Variants in NRG3 observed in about 807,000 individuals in gnomAD.
NRG3 encodes neuregulin 3, also known as pro-neuregulin-3, membrane-bound isoform.
A neutral mutation model predicts 66.9 loss-of-function variants in NRG3; 31 were observed. The ratio of observed to expected loss-of-function variants is 0.46; its 90% CI spans 0.35 to 0.63. NRG3 has a LOEUF of 0.63. Ranked by LOEUF, NRG3 falls within the 20% of genes least tolerant of loss-of-function variation. The pLI is 0.00. For synonymous variants in NRG3, 393 were observed against 359.4 expected (o/e 1.09, Z -1.06); for missense variants, 910 against 878.9 (o/e 1.04, Z -0.45).
At chr10:81,911,842 A>G (rs573728941) in intron 1 of NRG3, among the ~76,000 whole-genome samples, 2 of 152,052 alleles carry the variant, frequency 1.3e-5, no homozygotes, top group Non-Finnish European at 2.9e-5. Flanking sequence ...GATTCCTAAC[A>G]AAGAAAGAAC....
At chr10:81,981,001 A>G (rs910901928) in intron 1 of NRG3, among the ~76,000 whole-genome samples, 1 of 152,138 alleles carries the variant, frequency 6.6e-6, no homozygotes, top group East Asian at 1.9e-4. Flanking sequence ...TGAGTTATGG[A>G]TGGTTGGGGC....
chr10:82,203,061 A>G (rs2074929654), intron 1 of NRG3, among the ~76,000 whole-genome samples: 1 of 152,172 alleles, frequency 6.6e-6, no homozygotes, highest in Non-Finnish European at 1.5e-5. Context: ...GAATAATTTG[A>G]TTATTTTGAG....
At chr10:82,216,458 A>G (rs866009839) in intron 1 of NRG3, among the ~76,000 whole-genome samples, 1 of 126,832 alleles carries the variant, frequency 7.9e-6, no homozygotes, top group Non-Finnish European at 1.6e-5. Flanking sequence ...CATTTTATAT[A>G]TATGTGTGTG....
At chr10:82,338,323 A>C (rs1319551246) in intron 1 of NRG3, among the ~76,000 whole-genome samples, 1 of 152,160 alleles carries the variant, frequency 6.6e-6, no homozygotes, top group Non-Finnish European at 1.5e-5. Context: ...GGGCTTATTT[A>C]TCTTTTAAAA....
intron 4 of NRG3, among the ~76,000 whole-genome samples, chr10:82,884,939 T>C (rs1842607276): frequency 6.6e-6 from 1 of 152,236 alleles, no homozygotes; most frequent in Non-Finnish European, 1.5e-5. Flanking sequence ...TTTCCAGTCA[T>C]TCTGTCCTTC....
chr10:82,803,476 T>TA (rs2061139576), intron 3 of NRG3, among the ~76,000 whole-genome samples: 1 of 152,304 alleles, frequency 6.6e-6, no homozygotes, highest in South Asian at 2.1e-4. Context: ...AGGGCACATT[T>TA]AAAAAAATGT....
chr10:82,554,158 T>G (rs1252125854), intron 2 of NRG3, among the ~76,000 whole-genome samples: 1 of 152,174 alleles, frequency 6.6e-6, no homozygotes, highest in Non-Finnish European at 1.5e-5. Flanking sequence ...CAGATGAGCT[T>G]CTTGATTTCA....
At chr10:82,406,752 G>T (rs2087549738) in intron 2 of NRG3, among the ~76,000 whole-genome samples, 1 of 152,062 alleles carries the variant, frequency 6.6e-6, no homozygotes, top group African/African-American at 2.4e-5. Flanking sequence ...CATAAAAATT[G>T]TCTAATCCCA....
At chr10:82,425,781 A>G (rs1044690032) in intron 2 of NRG3, among the ~76,000 whole-genome samples, 8 of 152,098 alleles carry the variant, frequency 5.3e-5, no homozygotes, top group African/African-American at 1.7e-4. Context: ...TTTTTATCTA[A>G]TGTTGTGTTT....
chr10:82,828,471 AG>A (rs2062352907), intron 3 of NRG3, among the ~76,000 whole-genome samples: 1 of 152,186 alleles, frequency 6.6e-6, no homozygotes, highest in South Asian at 2.1e-4. Flanking sequence ...GCTGGAAGAG[AG>A]GCTATACCTT....
intron 1 of NRG3, among the ~76,000 whole-genome samples, chr10:82,328,996 A>G (rs1037435835): frequency 5.9e-5 from 9 of 152,204 alleles, no homozygotes; most frequent in African/African-American, 1.7e-4. Context: ...TGCCAACTAT[A>G]TATTTCAGCC....
rs111799541 is a variant in NRG3 at position 82,567,213 on chromosome 10, G to A, written c.954-171364G>A. 1.3e-3 allele frequency among the ~76,000 whole-genome samples: 197 copies of A among 151,998 alleles called. 1 individual carries two copies. The highest frequency in any genetic ancestry group is 4.4e-3 in the African/African-American group (184 of 41,512). ...ACTTAGCTCCCATTCTGTCTATGAG[G>A]AAGTCTTGGAAGTACTATTTTCCTG... is the stretch of plus-strand genomic sequence containing the variant. On this transcript the variant is annotated intron_variant, in intron 2 of 8. Coordinates refer to ENST00000372141, the MANE Select transcript of NRG3 (RefSeq NM_001010848.4).
chr10:81,915,365 A>T (rs1441155200), intron 1 of NRG3, among the ~76,000 whole-genome samples: 1 of 152,172 alleles, frequency 6.6e-6, no homozygotes, highest in Non-Finnish European at 1.5e-5. Flanking sequence ...ATTCTTCATC[A>T]TGGCACAATT....
chr10:82,310,387 C>T (rs2134961918), intron 1 of NRG3, among the ~76,000 whole-genome samples: 1 of 152,156 alleles, frequency 6.6e-6, no homozygotes, highest in South Asian at 2.1e-4. Context: ...TAACGAATAC[C>T]CCTAAAATGT....
chr10:81,994,441 C>A (rs2060855819), intron 1 of NRG3, among the ~76,000 whole-genome samples: 2 of 152,044 alleles, frequency 1.3e-5, no homozygotes, highest in Admixed American at 1.3e-4. Context: ...CCGTATTTAA[C>A]AAGGTTCCCA....
intron 3 of NRG3, among the ~76,000 whole-genome samples, chr10:82,778,501 T>A (rs1046122442): frequency 1.3e-5 from 2 of 152,006 alleles, no homozygotes; most frequent in African/African-American, 2.4e-5. Flanking sequence ...TATAAAACCA[T>A]CAGGCCTCAC....
chr10:82,808,154 T>A (rs2061360093), intron 3 of NRG3, among the ~76,000 whole-genome samples: 1 of 152,006 alleles, frequency 6.6e-6, no homozygotes, highest in African/African-American at 2.4e-5. Flanking sequence ...TCTTGAATAA[T>A]TGCTCTCATA....
chr10:82,553,476 T>A (rs140409938), intron 2 of NRG3, among the ~76,000 whole-genome samples: 39 of 152,252 alleles, frequency 2.6e-4, no homozygotes, highest in African/African-American at 9.1e-4. Flanking sequence ...GAGTTACTAA[T>A]TTCTTTTATA....
intron 1 of NRG3, among the ~76,000 whole-genome samples, chr10:82,030,188 G>C (rs1447120580): frequency 6.6e-6 from 1 of 152,056 alleles, no homozygotes; most frequent in African/African-American, 2.4e-5. Context: ...TGGGAGGGCA[G>C]CCAAAAATGT....
Sources: allele counts gnomAD v4.1 joint callset (sites outside exome capture counted in the v4.1 genomes callset), GRCh38; gene constraint gnomAD v4.1.1; transcripts MANE v1.5; gene names NCBI Gene and HGNC (gene_info 2026-07-23, HGNC 2026-07-21).